The following TENM3 variants were observed in gnomAD, a reference collection of about 807,000 sequenced individuals.
The protein encoded by TENM3 is teneurin transmembrane protein 3, also known as teneurin-3.
Under a neutral mutation model 255.1 loss-of-function variants are expected in TENM3, and 63 were observed. The observed-to-expected ratio is 0.25, with a 90% CI of 0.20 to 0.30. The LOEUF is 0.30. Ranked by LOEUF, TENM3 falls within the 10% of genes least tolerant of loss-of-function variation. The pLI is 1.00. For synonymous variants in TENM3, 1,306 were observed against 1,322.3 expected (o/e 0.99, Z 0.27); for missense variants, 2,929 against 3,461.1 (o/e 0.85, Z 3.86).
chr4:182,382,743 C>T (rs1052645114), intron 3 of TENM3, among the ~76,000 whole-genome samples: 1 of 152,166 alleles, frequency 6.6e-6, no homozygotes, highest in African/African-American at 2.4e-5. Flanking sequence ...AGGTCGAAGC[C>T]ATAGGCCCCA....
At chr4:182,786,368 C>T (rs1243332332) in intron 24 of TENM3, among the ~76,000 whole-genome samples, 1 of 151,922 alleles carries the variant, frequency 6.6e-6, no homozygotes, top group African/African-American at 2.4e-5. Flanking sequence ...ACCAGCCTGG[C>T]CAACATGGTG....
At chr4:182,277,371 AT>A (rs1432805421) in intron 1 of TENM3, among the ~76,000 whole-genome samples, 1 of 151,960 alleles carries the variant, frequency 6.6e-6, no homozygotes, top group South Asian at 2.1e-4. Flanking sequence ...TGTTTTTTTA[AT>A]TTTTTTATTG....
chr4:182,180,914 G>GTTTTA (rs1194468297), intron 1 of TENM3, among the ~76,000 whole-genome samples: 1 of 151,406 alleles, frequency 6.6e-6, no homozygotes. Flanking sequence ...TTTTTATTTT[G>GTTTTA]TTTTATTTTA....
chr4:181,520,406 C>G, the TENM3 span, among the ~76,000 whole-genome samples: 2 of 152,018 alleles, frequency 1.3e-5, no homozygotes, highest in African/African-American at 4.8e-5. Flanking sequence ...TCATGGGGTA[C>G]CTGCGTGTGT....
At chr4:182,304,219 A>T (rs1480269524) in intron 1 of TENM3, among the ~76,000 whole-genome samples, 1 of 148,610 alleles carries the variant, frequency 6.7e-6, no homozygotes. Flanking sequence ...CTTTCAAGAA[A>T]TTTTTTTTTT....
the TENM3 span, among the ~76,000 whole-genome samples, chr4:182,081,603 A>AAAGAAG: frequency 5.4e-5 from 8 of 147,752 alleles, no homozygotes; most frequent in Admixed American, 4.7e-4. Context: ...AAAAAAAAAA[A>AAAGAAG]AAGAAGAAGA....
intron 1 of TENM3, among the ~76,000 whole-genome samples, chr4:182,312,630 G>A (rs962708507): frequency 3.9e-5 from 6 of 152,142 alleles, no homozygotes; most frequent in African/African-American, 1.4e-4. Flanking sequence ...TATTATTACT[G>A]GCAAAATTTT....
chr4:182,262,862 C>T (rs546530572), intron 1 of TENM3, among the ~76,000 whole-genome samples: 8 of 152,044 alleles, frequency 5.3e-5, no homozygotes, highest in East Asian at 3.9e-4. Context: ...TACAGGCACC[C>T]ACCACCACGC....
At chr4:182,405,415 G>T (rs1769497755) in intron 3 of TENM3, among the ~76,000 whole-genome samples, 1 of 152,206 alleles carries the variant, frequency 6.6e-6, no homozygotes, top group African/African-American at 2.4e-5. Context: ...CATTGAGCGG[G>T]AATAGATTGG....
At chr4:182,271,286 G>A (rs1249730731) in intron 1 of TENM3, among the ~76,000 whole-genome samples, 1 of 152,142 alleles carries the variant, frequency 6.6e-6, no homozygotes, top group African/African-American at 2.4e-5. Flanking sequence ...CCTAAGTGCG[G>A]CTGAAAAGAC....
chr4:181,742,171 T>A, the TENM3 span, among the ~76,000 whole-genome samples: 59 of 151,856 alleles, frequency 3.9e-4, no homozygotes, highest in South Asian at 2.9e-3. Context: ...TTTTTACCTT[T>A]AAAAAAAACA....
At chr4:181,518,397 A>T in the TENM3 span, among the ~76,000 whole-genome samples, 2 of 151,576 alleles carry the variant, frequency 1.3e-5, no homozygotes, top group Non-Finnish European at 1.5e-5. Flanking sequence ...TTTCGATAGG[A>T]CTTGTTTTTT....
chr4:181,754,706 T>A, the TENM3 span, among the ~76,000 whole-genome samples: 182 of 152,256 alleles, frequency 1.2e-3, 1 homozygote, highest in Middle Eastern at 0.034. Flanking sequence ...CTGAACCATG[T>A]TCTGGAGGGC....
the TENM3 span, among the ~76,000 whole-genome samples, chr4:181,545,341 G>C: frequency 6.6e-6 from 1 of 152,106 alleles, no homozygotes. Context: ...ACTTTTACTA[G>C]TCCGTGGTTT....
the TENM3 span, among the ~76,000 whole-genome samples, chr4:181,804,803 A>G: frequency 6.6e-6 from 1 of 152,118 alleles, no homozygotes; most frequent in Non-Finnish European, 1.5e-5. Context: ...TGAGCCCAGG[A>G]GTTTGATTCC....
chr4:181,489,278 G>T, the TENM3 span, among the ~76,000 whole-genome samples: 11 of 152,216 alleles, frequency 7.2e-5, no homozygotes, highest in African/African-American at 1.2e-4. Context: ...ATGAGACAAA[G>T]CTCTCCTTGG....
At chr4:181,578,169 C>T in the TENM3 span, among the ~76,000 whole-genome samples, 11 of 152,182 alleles carry the variant, frequency 7.2e-5, no homozygotes, top group African/African-American at 1.7e-4. Context: ...TCAAGGACTC[C>T]GTCAATAGTT....
the TENM3 span, among the ~76,000 whole-genome samples, chr4:181,824,394 C>T: frequency 6.6e-6 from 1 of 152,036 alleles, no homozygotes; most frequent in Non-Finnish European, 1.5e-5. Flanking sequence ...AGTCACTGCA[C>T]CCGACCAACA....
the TENM3 span, among the ~76,000 whole-genome samples, chr4:181,844,027 C>T: frequency 1.3e-5 from 2 of 151,998 alleles, no homozygotes; most frequent in African/African-American, 2.4e-5. Context: ...CGAGGGCCTT[C>T]TTACTGTGCT....
Sources: allele counts gnomAD v4.1 joint callset (sites outside exome capture counted in the v4.1 genomes callset), GRCh38; gene constraint gnomAD v4.1.1; transcripts MANE v1.5; gene names NCBI Gene and HGNC (gene_info 2026-07-23, HGNC 2026-07-21).